Variants in FA2H observed in about 807,000 individuals in gnomAD.
FA2H encodes fatty acid 2-hydroxylase, also known as fatty acid alpha-hydroxylase.
A neutral mutation model predicts 44.9 loss-of-function variants in FA2H; 22 were observed. The ratio of observed to expected loss-of-function variants is 0.49; its 90% CI spans 0.35 to 0.70. The LOEUF (loss-of-function observed/expected upper bound fraction) is 0.70. Ranked by LOEUF, FA2H falls within the 30% of genes least tolerant of loss-of-function variation. The pLI is 0.01. For missense variants in FA2H, 501 were observed against 504.9 expected, an observed-to-expected ratio of 0.99 and a Z score of 0.07; for synonymous variants, 243 against 213.2, an observed-to-expected ratio of 1.14 and a Z score of -1.22.
chr16:74,746,126 G>A (rs746560017), intron 1 of FA2H, among the ~76,000 whole-genome samples: 21 of 151,998 alleles, frequency 1.4e-4, no homozygotes, highest in Non-Finnish European at 2.8e-4. Flanking sequence ...TATCAAGGAG[G>A]CTGCAGGGAA....
chr16:74,771,093 G>C (rs1288450786), intron 1 of FA2H, among the ~76,000 whole-genome samples: 1 of 152,182 alleles, frequency 6.6e-6, no homozygotes, highest in Non-Finnish European at 1.5e-5. Flanking sequence ...CCTTTCTAGA[G>C]GATACAGTGA....
chr16:74,744,682 G>A (rs1333687937), intron 1 of FA2H, among the ~76,000 whole-genome samples: 1 of 151,986 alleles, frequency 6.6e-6, no homozygotes, highest in Admixed American at 6.6e-5. Flanking sequence ...GAACTCCCAC[G>A]TTCAAGTGAT....
At position 74,722,333 on chromosome 16, in the gene FA2H, T is replaced by C. The variant is rs180917946; in HGVS notation, c.614-3173A>G. 1.9e-3 allele frequency among the ~76,000 whole-genome samples: 289 copies of C among 150,744 alleles called. 1 individual carries two copies. Among genetic ancestry groups the C allele is most frequent in the African/African-American group, 6.6e-3 (272 of 41,008 alleles). On this transcript the variant is annotated intron_variant, in intron 4 of 6. Coordinates refer to ENST00000219368, the MANE Select transcript of FA2H (RefSeq NM_024306.5). ...GGAGGATCGTTTGAGCCCAGGAGTT[T>C]GAGGCCAGCCTGGGCAACACAGTGA...
intron 1 of FA2H, among the ~76,000 whole-genome samples, chr16:74,772,499 C>G (rs1403231342): frequency 1.3e-5 from 2 of 152,214 alleles, no homozygotes; most frequent in East Asian, 3.9e-4. Context: ...TCCCCACACC[C>G]AGCACAGTGC....
intron 4 of FA2H, among the ~76,000 whole-genome samples, chr16:74,719,587 G>A (rs1264825877): frequency 2.0e-5 from 3 of 152,178 alleles, no homozygotes; most frequent in Non-Finnish European, 4.4e-5. Context: ...TGGAGTGCTG[G>A]AGGGCAGTGG....
At chr16:74,769,373 A>G (rs1297625710) in intron 1 of FA2H, among the ~76,000 whole-genome samples, 1 of 152,176 alleles carries the variant, frequency 6.6e-6, no homozygotes, top group Non-Finnish European at 1.5e-5. Flanking sequence ...CCTGGATTAC[A>G]GGCATGAGCC....
In FA2H at chr16:74,774,751, G is replaced by C; in HGVS notation, c.5C>G (p.Ala2Gly). 2 of 1,305,644 alleles carry C rather than the reference G, an allele frequency of 1.5e-6. No homozygotes were observed. Among genetic ancestry groups the C allele is most frequent in the South Asian group, 4.8e-5 (2 of 41,858 alleles). The allele number at this position is 1,305,644 out of a possible 1,614,324, so 80.9% of individuals were successfully genotyped here. A position where few individuals can be genotyped will look rare whatever the true frequency, so the allele number is the denominator to read the frequency against. The change falls in exon 1 of 7, where the codon GCC becomes GGC. Residue 2 changes from alanine (A) to glycine (G), a missense_variant. Ala to Gly is a moderately conservative substitution (Grantham distance 60, BLOSUM62 0). Transcript: ENST00000219368. ...GGAGGCGGCGGGGGGCGGAGCGGGG[G>C]CCATGGCCGGAGACCGCAGCTCCCA... is the stretch of plus-strand genomic sequence containing the variant. Reference protein sequence around the residue: MAPAPPPAASFS... With the variant: MGPAPPPAASFS...
intron 1 of FA2H, among the ~76,000 whole-genome samples, chr16:74,746,183 G>C (rs142077357): frequency 6.6e-6 from 1 of 152,062 alleles, no homozygotes; most frequent in African/African-American, 2.4e-5. Flanking sequence ...TGTTACAAGA[G>C]GGCAGCTCTG....
intron 1 of FA2H, among the ~76,000 whole-genome samples, chr16:74,761,664 A>T (rs1567649748): frequency 6.6e-6 from 1 of 152,196 alleles, no homozygotes. Context: ...TCAAATACTG[A>T]CCACCTCCTA....
chr16:74,752,221 T>TC (rs983314534), intron 1 of FA2H, among the ~76,000 whole-genome samples: 1 of 151,874 alleles, frequency 6.6e-6, no homozygotes, highest in Non-Finnish European at 1.5e-5. Flanking sequence ...CACTCTTGAC[T>TC]CCCCCCAAGC....
At chr16:74,742,379 C>T (rs1962330946) in intron 1 of FA2H, among the ~76,000 whole-genome samples, 1 of 152,192 alleles carries the variant, frequency 6.6e-6, no homozygotes, top group South Asian at 2.1e-4. Flanking sequence ...ATCTTGCACT[C>T]TGGGCTGGAT....
intron 1 of FA2H, among the ~76,000 whole-genome samples, chr16:74,742,095 C>T (rs1489223886): frequency 6.6e-6 from 1 of 151,954 alleles, no homozygotes; most frequent in African/African-American, 2.4e-5. Context: ...GTTTCCAGAC[C>T]CACGCCTAGC....
At chr16:74,715,065 T>C (rs977801973) in intron 6 of FA2H, among the ~76,000 whole-genome samples, 2 of 152,144 alleles carry the variant, frequency 1.3e-5, no homozygotes, top group Non-Finnish European at 2.9e-5. Flanking sequence ...CTTGAACTCC[T>C]GACCTCAGGT....
chr16:74,720,484 C>CCGTG (rs1227923344), intron 4 of FA2H, among the ~76,000 whole-genome samples: 1 of 151,998 alleles, frequency 6.6e-6, no homozygotes, highest in Non-Finnish European at 1.5e-5. Flanking sequence ...ATATGAGCCA[C>CCGTG]CGTGCCCAGC....
Position 74,762,290 on chromosome 16 carries a change from G to A in FA2H, c.270+12196C>T, listed in dbSNP as rs140834664. Among the ~76,000 whole-genome samples, 1,025 of 152,082 alleles carry A rather than the reference G, an allele frequency of 6.7e-3. 5 individuals carry two copies. Among genetic ancestry groups the A allele is most frequent in the East Asian group, 0.02 (101 of 5,144 alleles). On this transcript the variant is annotated intron_variant, in intron 1 of 6. Coordinates refer to ENST00000219368, the MANE Select transcript of FA2H (RefSeq NM_024306.5). The stretch of plus-strand genomic sequence containing the variant: ...GATTTCCTGACCTCGTGATCCACCC[G>A]CCTCGGCCTCCCAAAGTGTTGGGAT...
rs184970773 is a variant in FA2H, at chr16:74,748,355, C to A, written c.271-8240G>T. 2.6e-3 allele frequency among the ~76,000 whole-genome samples: 389 copies of A among 152,350 alleles called. 2 individuals are homozygous for A. Among genetic ancestry groups the A allele is most frequent in the Admixed American group, 0.024 (370 of 15,290 alleles). Reference sequence around the variant, plus strand: ...CCATCTCCACCACAAGCACCTTCACCGAGGCGCACATGTGGCGGCGTCTCA... The same window carrying A: ...CCATCTCCACCACAAGCACCTTCACAGAGGCGCACATGTGGCGGCGTCTCA... On this transcript the variant is annotated intron_variant, in intron 1 of 6. Transcript: ENST00000219368.
At chr16:74,742,602 G>A (rs1962334889) in intron 1 of FA2H, among the ~76,000 whole-genome samples, 1 of 152,232 alleles carries the variant, frequency 6.6e-6, no homozygotes, top group Non-Finnish European at 1.5e-5. Context: ...GGGAGGCTGA[G>A]GTGGGAGGAT....
chr16:74,735,301 GCGTTGC>G (rs1347238142), intron 2 of FA2H, among the ~76,000 whole-genome samples: 2 of 152,132 alleles, frequency 1.3e-5, no homozygotes, highest in African/African-American at 4.8e-5. Flanking sequence ...GCTCTTGGTG[GCGTTGC>G]CGGAGTGGCT....
At chr16:74,730,198 C>T (rs570075428) in intron 2 of FA2H, among the ~76,000 whole-genome samples, 2 of 152,256 alleles carry the variant, frequency 1.3e-5, no homozygotes, top group South Asian at 4.1e-4. Flanking sequence ...GCAGGCAAGG[C>T]CACTGGGTTT....
Sources: allele counts gnomAD v4.1 joint callset (sites outside exome capture counted in the v4.1 genomes callset), GRCh38; gene constraint gnomAD v4.1.1; transcripts MANE v1.5; gene names NCBI Gene and HGNC (gene_info 2026-07-23, HGNC 2026-07-21).